The following IFNGR2 variants were observed in gnomAD, a reference collection of about 807,000 sequenced individuals.
The protein encoded by IFNGR2 is IFN-gamma receptor 2.
In IFNGR2, 15 loss-of-function variants were observed where a neutral mutation model predicts 41.1. The observed-to-expected ratio is 0.37, with a 90% CI of 0.24 to 0.56. IFNGR2 has a LOEUF of 0.56. Ranked by LOEUF, IFNGR2 falls within the 20% of genes least tolerant of loss-of-function variation. The probability of loss-of-function intolerance (pLI) is 0.81; values close to 1 mark genes in which losing one functional copy is unlikely to be tolerated. For synonymous variants in IFNGR2, 161 were observed against 171.6 expected (o/e 0.94, Z 0.48); for missense variants, 362 against 415.7 (o/e 0.87, Z 1.12).
At chr21:33,430,331 G>A (rs893278134) in intron 4 of IFNGR2, among the ~76,000 whole-genome samples, 4 of 152,204 alleles carry the variant, frequency 2.6e-5, no homozygotes, top group East Asian at 3.8e-4. Context: ...CCTTAAAATC[G>A]TGTCTTCCTC....
At chr21:33,410,818 T>C in intron 1 of IFNGR2, 1 of 1,502,884 alleles carries the variant, frequency 6.7e-7, no homozygotes, top group Non-Finnish European at 9.1e-7. Context: ...TAACTCATAA[T>C]CTAAAATTTA....
chr21:33,422,425 C>T lies in IFNGR2; in HGVS notation c.412+740C>T, dbSNP rs557806196. Among the ~76,000 whole-genome samples, 23 of 152,074 alleles carry T rather than the reference C, an allele frequency of 1.5e-4. 1 individual carries two copies. The South Asian group carries it at 4.4e-3, about 29-fold the overall frequency. On this transcript the variant is annotated intron_variant, in intron 3 of 6. Coordinates refer to ENST00000290219, the MANE Select transcript of IFNGR2 (RefSeq NM_005534.4). ...TATAAGACAATTGAAATGTGATCAC[C>T]GTCTAGATATTTGATATATAATGAA...
At chr21:33,427,846 T>TTC (rs1462972926) in intron 4 of IFNGR2, among the ~76,000 whole-genome samples, 2 of 146,162 alleles carry the variant, frequency 1.4e-5, no homozygotes, top group South Asian at 2.2e-4. Context: ...CATTTCATCT[T>TTC]TTTTTTTTTT....
intron 4 of IFNGR2, among the ~76,000 whole-genome samples, chr21:33,430,647 G>A (rs1252315390): frequency 2.6e-5 from 4 of 151,896 alleles, no homozygotes; most frequent in Non-Finnish European, 5.9e-5. Context: ...ACGGAGGGAG[G>A]GGGTCTCACT....
At chr21:33,427,230 G>A (rs566068223) in intron 4 of IFNGR2, among the ~76,000 whole-genome samples, 198 bp downstream of exon 4, 42 of 152,068 alleles carry the variant, frequency 2.8e-4, no homozygotes, top group African/African-American at 6.5e-4. Context: ...ACCTCCCTCC[G>A]CCAGGCTGAT....
In IFNGR2 at chr21:33,427,069, T is replaced by G. The variant is rs753283715; in HGVS notation, c.561+37T>G. The G allele has an allele frequency of 1.9e-6, 3 of 1,585,174 alleles. No individual in the cohort carries two copies. The South Asian group carries it at 3.3e-5, about 18-fold the overall frequency. On this transcript the variant is annotated intron_variant, in intron 4 of 6. Transcript: ENST00000290219. The stretch of plus-strand genomic sequence containing the variant: ...TTTCTTTTTTGTTTGGATTTTCTTT[T>G]CTTTGCAGTTTCTGGCTTAGCAAAA...
At chr21:33,411,456 G>A (rs1313605647) in intron 1 of IFNGR2, 2 of 470,880 alleles carry the variant, frequency 4.2e-6, no homozygotes, top group African/African-American at 2.0e-5. Flanking sequence ...GATGGGAGAT[G>A]GTGAACAGGC....
chr21:33,430,384 G>A (rs1413556522), intron 4 of IFNGR2, among the ~76,000 whole-genome samples: 1 of 152,238 alleles, frequency 6.6e-6, no homozygotes, highest in Non-Finnish European at 1.5e-5. Context: ...AAAAGAAAAT[G>A]TAAAACCATC....
intron 4 of IFNGR2, among the ~76,000 whole-genome samples, chr21:33,429,153 C>T (rs1318825507): frequency 6.6e-6 from 1 of 152,170 alleles, no homozygotes; most frequent in Non-Finnish European, 1.5e-5. Context: ...CGTGAGGGCC[C>T]CCAAGTCCCT....
intron 2 of IFNGR2, among the ~76,000 whole-genome samples, chr21:33,420,163 A>T (rs1339815393): frequency 6.6e-6 from 1 of 152,218 alleles, no homozygotes; most frequent in East Asian, 1.9e-4. Flanking sequence ...TAAGCGGAAG[A>T]TGCATCTTGG....
chr21:33,403,608 C>T lies in IFNGR2; in HGVS notation c.65C>T (p.Ala22Val), dbSNP rs1555878402. ...LLGVFAAAAA[A>V]PPDPLSQLPA... is the part of the protein sequence containing the mutation. Reference sequence around the variant, plus strand: ...GGAGTCTTCGCCGCCGCCGCCGCGGCCCCGCCAGGTGAGCCGGGCCTGGGC... The same window carrying T: ...GGAGTCTTCGCCGCCGCCGCCGCGGTCCCGCCAGGTGAGCCGGGCCTGGGC... Residue 22 changes from alanine to valine, a missense_variant, in exon 1 of 7, where the codon GCC becomes GTC. Physicochemically the swap from Ala to Val is moderately conservative, Grantham distance 64 (BLOSUM62 0). Transcript: ENST00000290219. 2 of 1,366,770 alleles carry T rather than the reference C, an allele frequency of 1.5e-6. No individual in the cohort carries two copies. The highest frequency in any genetic ancestry group is 3.2e-5 in the East Asian group (1 of 31,434). 84.7% of individuals were successfully genotyped at this position (1,366,770 alleles called of 1,614,324 possible).
chr21:33,404,767 G>A (rs2083665493), intron 1 of IFNGR2, among the ~76,000 whole-genome samples: 1 of 152,124 alleles, frequency 6.6e-6, no homozygotes, highest in African/African-American at 2.4e-5. Flanking sequence ...CCTACCCAGA[G>A]AGCTTCTTAC....
At chr21:33,423,748 A>C (rs942410859) in intron 3 of IFNGR2, among the ~76,000 whole-genome samples, 2 of 151,794 alleles carry the variant, frequency 1.3e-5, no homozygotes, top group South Asian at 4.2e-4. Flanking sequence ...ATCTTAGCCC[A>C]TTGGGAGGCT....
rs186369364 is a variant in IFNGR2, at chr21:33,432,748, C to T, written c.756C>T (p.Ser252=). ...STELQQVILI[S]VGTFSLLSVL... is the part of the protein sequence containing the mutation. ...AGCTTCAGCAAGTCATCCTGATCTCCGTGGGAACATTTTCGTTGCTGTCGG... is the reference window on the plus strand; with the variant it reads ...AGCTTCAGCAAGTCATCCTGATCTCTGTGGGAACATTTTCGTTGCTGTCGG... The change falls in exon 6 of 7, where the codon TCC becomes TCT. Residue 252 remains serine (S), a synonymous_variant. Transcript: ENST00000290219. 383 of 1,614,102 alleles carry T rather than the reference C, an allele frequency of 2.4e-4. 1 individual carries two copies. Among genetic ancestry groups the T allele is most frequent in the South Asian group, 6.4e-4 (58 of 91,084 alleles).
chr21:33,414,406 A>G (rs2083739185), intron 1 of IFNGR2, among the ~76,000 whole-genome samples: 1 of 152,244 alleles, frequency 6.6e-6, no homozygotes, highest in Non-Finnish European at 1.5e-5. Flanking sequence ...GACATTTACC[A>G]GACACTTCCT....
intron 3 of IFNGR2, among the ~76,000 whole-genome samples, chr21:33,425,656 C>A (rs2083830187): frequency 6.6e-6 from 1 of 152,216 alleles, no homozygotes; most frequent in Admixed American, 6.5e-5. Context: ...CACTAGCAGT[C>A]AATCCACAAA....
intron 2 of IFNGR2, among the ~76,000 whole-genome samples, chr21:33,416,561 G>A (rs1450004748): frequency 2.6e-5 from 4 of 152,132 alleles, no homozygotes; most frequent in Non-Finnish European, 5.9e-5. Context: ...GGTGGCTCAC[G>A]CCTGTAATCC....
chr21:33,437,310 T>C lies in IFNGR2; in HGVS notation c.*348T>C. ...GGTTGGGCTGAGCAGTCAGAAGACC[T>C]GGTCGTCGTCTTGACTTTGGCAAAT... On this transcript the variant is annotated 3_prime_UTR_variant, in exon 7 of 7. Transcript: ENST00000290219. 3.7e-6 allele frequency: 1 copy of C among 268,660 alleles called. No individual in the cohort carries two copies. Among genetic ancestry groups the C allele is most frequent in the Non-Finnish European group, 7.3e-6 (1 of 137,086 alleles). The allele number at this position is 268,660 out of a possible 1,614,324, so 16.6% of individuals were successfully genotyped here. A position where few individuals can be genotyped will look rare whatever the true frequency, so the allele number is the denominator to read the frequency against.
intron 3 of IFNGR2, among the ~76,000 whole-genome samples, chr21:33,422,675 G>A (rs71326949): frequency 0.23 from 34,443 of 151,724 alleles, 4,435 homozygotes; most frequent in Non-Finnish European, 0.3. Context: ...TCAGGAGTTC[G>A]AGACCAGCCT....
Sources: gnomAD v4.1 joint callset for allele counts (sites outside exome capture counted in the v4.1 genomes callset) on GRCh38, gnomAD v4.1.1 for gene constraint, MANE v1.5 for transcripts, NCBI Gene and HGNC (gene_info 2026-07-23, HGNC 2026-07-21) for gene names.